Variants in XRN1 observed in about 807,000 individuals in gnomAD.
XRN1 encodes the protein strand-exchange protein 1 homolog.
In XRN1, 67 loss-of-function variants were observed where a neutral mutation model predicts 222.3. The observed-to-expected ratio is 0.30, with a 90% CI of 0.25 to 0.37. XRN1 has a LOEUF of 0.37. Among genes scored for constraint, XRN1 ranks in the 10% least tolerant of loss-of-function variants. XRN1 has a pLI of 1.00. For synonymous variants in XRN1, 643 were observed against 652.4 expected, an observed-to-expected ratio of 0.99 and a Z score of 0.22; for missense variants, 1,707 against 2,000.2, an observed-to-expected ratio of 0.85 and a Z score of 2.80.
At chr3:142,312,468 G>T in intron 40 of XRN1, 130 bp downstream of exon 40, 1 of 863,590 alleles carries the variant, frequency 1.2e-6, no homozygotes, top group Non-Finnish European at 1.6e-6. Context: ...GTCAACCATT[G>T]CCTTCTTACT....
rs979164513 is a variant in XRN1, at chr3:142,447,545, T to C, written c.75+325A>G. 6.6e-6 allele frequency among the ~76,000 whole-genome samples: 1 copy of C among 152,124 alleles called. No individual in the cohort carries two copies. Among genetic ancestry groups the C allele is most frequent in the African/African-American group, 2.4e-5 (1 of 41,416 alleles). ...CAGCCTCTGTAAGGAAAAAGGCAACTTGCAGCTCCCCGGGAGGAAACCGGA... is the reference window on the plus strand; with the variant it reads ...CAGCCTCTGTAAGGAAAAAGGCAACCTGCAGCTCCCCGGGAGGAAACCGGA... On this transcript the variant is annotated intron_variant, in intron 1 of 40. Coordinates refer to ENST00000392981, the MANE Select transcript of XRN1 (RefSeq NM_001282857.2). This position sits in a 1 kb window ranked among gnomAD's most constrained non-coding sequence, Gnocchi z 4.2.
At chr3:142,427,524 T>A (rs79673056) in intron 2 of XRN1, among the ~76,000 whole-genome samples, 1 of 152,300 alleles carries the variant, frequency 6.6e-6, no homozygotes, top group South Asian at 2.1e-4. Context: ...TTTAATGATC[T>A]TAATCATCAT....
At position 142,426,839 on chromosome 3, in the gene XRN1, G is replaced by A; in HGVS notation, c.311C>T (p.Ser104Leu). 1 of 1,612,222 alleles carries A rather than the reference G, an allele frequency of 6.2e-7. No individual in the cohort carries two copies. The highest frequency in any genetic ancestry group is 8.5e-7 in the Non-Finnish European group (1 of 1,179,574). The part of the protein sequence containing the change: ...MNQQRGRRFR[S>L]AKEAEDKIKK... ...AATTTTGTCTTCTGCCTCCTTTGCTGACCTTAAAGGTTAAGGGAAAAAAGT... is the reference window on the plus strand; with the variant it reads ...AATTTTGTCTTCTGCCTCCTTTGCTAACCTTAAAGGTTAAGGGAAAAAAGT... The change falls in exon 3 of 41, where the codon TCA becomes TTA. Residue 104 changes from serine to leucine, a missense_variant and splice_region_variant. Ser to Leu is a moderately radical substitution (Grantham distance 145). This residue lies in a region of XRN1 where 1,234 missense variants were observed against 1,518.2 expected (regional missense o/e 0.81). Coordinates refer to ENST00000392981, the MANE Select transcript of XRN1 (RefSeq NM_001282857.2).
At chr3:142,419,070 C>A (rs2068902228) in intron 10 of XRN1, among the ~76,000 whole-genome samples, 189 bp from the exon 11 acceptor site, 1 of 152,166 alleles carries the variant, frequency 6.6e-6, no homozygotes, top group Non-Finnish European at 1.5e-5. Flanking sequence ...GATTTCCTGT[C>A]TACTGCCAAT....
intron 19 of XRN1, among the ~76,000 whole-genome samples, chr3:142,399,443 C>A (rs1245492747): frequency 6.6e-6 from 1 of 151,956 alleles, no homozygotes; most frequent in Non-Finnish European, 1.5e-5. Flanking sequence ...AAAATTAATT[C>A]AAAATGGATT....
chr3:142,383,462 C>G, intron 21 of XRN1, 49 bp from the exon 22 acceptor site: 1 of 1,480,362 alleles, frequency 6.8e-7, no homozygotes, highest in Non-Finnish European at 9.3e-7. Flanking sequence ...CTATAGATTG[C>G]GTATCAAGTT....
chr3:142,334,982 G>A (rs951123750), intron 34 of XRN1, among the ~76,000 whole-genome samples: 2 of 145,476 alleles, frequency 1.4e-5, no homozygotes, highest in Admixed American at 6.9e-5. Context: ...ACTACAGCAG[G>A]CACATGCCAC....
At chr3:142,382,788 T>C (rs1215720357) in intron 22 of XRN1, among the ~76,000 whole-genome samples, 1 of 152,166 alleles carries the variant, frequency 6.6e-6, no homozygotes, top group Non-Finnish European at 1.5e-5. Context: ...TATATACACA[T>C]ATATATGTGC....
chr3:142,316,581 T>C (rs1268423231), intron 39 of XRN1, among the ~76,000 whole-genome samples: 3 of 152,222 alleles, frequency 2.0e-5, no homozygotes, highest in Non-Finnish European at 4.4e-5. Context: ...ATTAATAACC[T>C]TCCTTACTGC....
At chr3:142,373,558 G>A (rs528556323) in intron 25 of XRN1, among the ~76,000 whole-genome samples, 3 of 152,134 alleles carry the variant, frequency 2.0e-5, no homozygotes, top group Non-Finnish European at 4.4e-5. Context: ...TTATTAAAAA[G>A]CACCAGTAAA....
Position 142,349,508 on chromosome 3 carries a change from TATA to T in XRN1, c.3769-2169_3769-2167del, listed in dbSNP as rs569483530. Among the ~76,000 whole-genome samples the T allele has an allele frequency of 3.0e-4, 45 of 151,972 alleles. No homozygotes were observed. In the South Asian group the frequency reaches 8.3e-3, roughly 28 times the overall value. ...AAATAGTAAAATAAATAGTAAATAA[TATA>T]ATATTATTATTTACATTATTTTGGA... On this transcript the variant is annotated intron_variant, in intron 32 of 40. Transcript: ENST00000392981.
intron 23 of XRN1, among the ~76,000 whole-genome samples, chr3:142,379,594 A>G (rs912895131): frequency 2.0e-5 from 3 of 152,242 alleles, no homozygotes; most frequent in African/African-American, 7.2e-5. Context: ...AAAGAACGCC[A>G]GTGGAATTTT....
rs1691592801 is a variant in XRN1 at position 142,308,612 on chromosome 3, CTGAG to C, written c.*2895_*2898del. On this transcript the variant is annotated 3_prime_UTR_variant, in exon 41 of 41. Coordinates refer to ENST00000392981, the MANE Select transcript of XRN1 (RefSeq NM_001282857.2). ...CAATTAATACATTCAAATTCTAACG[CTGAG>C]GTAATTATTAGGTAATGCAGGAAAA... 1 of 152,052 alleles carries C rather than the reference CTGAG, an allele frequency of 6.6e-6. No individual in the cohort carries two copies. 9.4% of individuals were successfully genotyped at this position (152,052 alleles called of 1,614,324 possible).
At chr3:142,399,848 A>C (rs1577365277) in intron 19 of XRN1, among the ~76,000 whole-genome samples, 1 of 152,058 alleles carries the variant, frequency 6.6e-6, no homozygotes, top group African/African-American at 2.4e-5. Context: ...AAAATCAAAA[A>C]ACATAATATC....
chr3:142,321,140 T>G (rs540353819), intron 37 of XRN1, among the ~76,000 whole-genome samples: 2 of 128,116 alleles, frequency 1.6e-5, no homozygotes, highest in Non-Finnish European at 3.1e-5. Flanking sequence ...TGAGATGGAG[T>G]CTCACTCTGT....
chr3:142,373,478 T>C (rs565885263), intron 25 of XRN1, among the ~76,000 whole-genome samples: 2 of 152,072 alleles, frequency 1.3e-5, no homozygotes, highest in East Asian at 3.9e-4. Flanking sequence ...AGGGCATCAG[T>C]TGCAAGCCTG....
In XRN1 at chr3:142,414,731, G is replaced by C. The variant is rs541403959; in HGVS notation, c.1437-440C>G. Among the ~76,000 whole-genome samples the C allele has an allele frequency of 2.2e-4, 34 of 152,252 alleles. 1 individual carries two copies. The highest frequency in any genetic ancestry group is 7.0e-4 in the African/African-American group (29 of 41,556). On this transcript the variant is annotated intron_variant, in intron 13 of 40. Transcript: ENST00000392981. Reference sequence around the variant, plus strand: ...AGGATGGTCTCAATCTCCTGATCTCGTGATCCGCCCGCCTCGGCCTCCCAA... The same window carrying C: ...AGGATGGTCTCAATCTCCTGATCTCCTGATCCGCCCGCCTCGGCCTCCCAA...
chr3:142,331,949 A>G (rs939459785), intron 36 of XRN1, among the ~76,000 whole-genome samples: 2 of 151,944 alleles, frequency 1.3e-5, no homozygotes, highest in Admixed American at 1.3e-4. Context: ...TAACTTTTGT[A>G]TTTTTTAGAG....
At position 142,403,652 on chromosome 3, in the gene XRN1, GAAT is replaced by G; in HGVS notation, c.2103+19_2103+21del. 6.3e-7 allele frequency: 1 copy of G among 1,598,378 alleles called. No homozygotes were observed. Among genetic ancestry groups the G allele is most frequent in the Non-Finnish European group, 8.6e-7 (1 of 1,166,848 alleles). On this transcript the variant is annotated intron_variant, in intron 18 of 40. Coordinates refer to ENST00000392981, the MANE Select transcript of XRN1 (RefSeq NM_001282857.2). The stretch of plus-strand genomic sequence containing the variant: ...AATACATTATAGGCATCTAATAAAT[GAAT>G]GATAAATAAAATACTTACAAGTTCA...
Sources: gnomAD v4.1 joint callset for allele counts (sites outside exome capture counted in the v4.1 genomes callset) on GRCh38, gnomAD v4.1.1 for gene constraint, gnomAD v4.1.1 regional missense constraint, Gnocchi (gnomAD v3.1) non-coding constraint, MANE v1.5 for transcripts, NCBI Gene and HGNC (gene_info 2026-07-23, HGNC 2026-07-21) for gene names.